The following STXBP6 variants were observed in gnomAD, a reference collection of about 807,000 sequenced individuals.
STXBP6 encodes the protein syntaxin-binding protein 6.
A neutral mutation model predicts 26.9 loss-of-function variants in STXBP6; 21 were observed. That is an observed-to-expected ratio of 0.78 (90% confidence interval 0.55 to 1.12). STXBP6 has a LOEUF of 1.12. Ranked by LOEUF, STXBP6 falls within the 50% of genes most tolerant of loss-of-function variation. STXBP6 has a pLI of 0.00. For missense variants in STXBP6, 232 were observed against 257.9 expected, an observed-to-expected ratio of 0.90 and a Z score of 0.69; for synonymous variants, 97 against 92.6, an observed-to-expected ratio of 1.05 and a Z score of -0.27.
rs943948961 is a variant in STXBP6, at chr14:24,937,532, A to G, written c.154+37133T>C. On this transcript the variant is annotated intron_variant, in intron 2 of 5. Transcript: ENST00000323944. ...TGCCCAATCTGCACAGGCAATCACA[A>G]TTATGTGATGACTGCCACCTGGCTA... 3.3e-5 allele frequency among the ~76,000 whole-genome samples: 5 copies of G among 152,228 alleles called. No individual in the cohort carries two copies. In the East Asian group the frequency reaches 9.6e-4, roughly 29 times the overall value.
chr14:24,948,748 G>A (rs1222220689), intron 2 of STXBP6, among the ~76,000 whole-genome samples: 3 of 152,238 alleles, frequency 2.0e-5, no homozygotes, highest in African/African-American at 7.2e-5. Flanking sequence ...TTAATAGCAG[G>A]TAATAGAGGA....
chr14:24,973,753 G>C (rs1275912660), intron 2 of STXBP6, among the ~76,000 whole-genome samples: 2 of 152,060 alleles, frequency 1.3e-5, no homozygotes, highest in Non-Finnish European at 2.9e-5. Context: ...CACAGTCTTA[G>C]AAATTTACAT....
chr14:24,834,781 G>A (rs2138952177), intron 4 of STXBP6, among the ~76,000 whole-genome samples: 1 of 152,272 alleles, frequency 6.6e-6, no homozygotes, highest in East Asian at 1.9e-4. Flanking sequence ...GAGACCTGTG[G>A]GGGAGAAGGG....
chr14:24,959,229 A>T (rs767535331), intron 2 of STXBP6, among the ~76,000 whole-genome samples: 3 of 152,236 alleles, frequency 2.0e-5, no homozygotes, highest in Non-Finnish European at 4.4e-5. Flanking sequence ...ATATCAGATC[A>T]GTCGCTCTGA....
intron 4 of STXBP6, among the ~76,000 whole-genome samples, chr14:24,833,123 G>A (rs1350578132): frequency 1.3e-5 from 2 of 152,174 alleles, no homozygotes; most frequent in African/African-American, 4.8e-5. Context: ...ACCCTGTGAG[G>A]TGAAATGTGA....
At chr14:24,878,791 C>T (rs757253052) in intron 2 of STXBP6, 1 of 453,018 alleles carries the variant, frequency 2.2e-6, no homozygotes, top group South Asian at 1.6e-5. Flanking sequence ...TAAATGTTTT[C>T]TCCTTTGAAG....
chr14:24,943,171 G>T (rs879266271), intron 2 of STXBP6, among the ~76,000 whole-genome samples: 1 of 152,144 alleles, frequency 6.6e-6, no homozygotes, highest in Non-Finnish European at 1.5e-5. Context: ...CAATCTCACC[G>T]TACTCACAAC....
intron 2 of STXBP6, among the ~76,000 whole-genome samples, chr14:24,872,237 A>T (rs918156265): frequency 1.3e-5 from 2 of 152,232 alleles, no homozygotes; most frequent in African/African-American, 2.4e-5. Flanking sequence ...AGCATTGAGG[A>T]GTAAAATGCA....
At chr14:25,013,388 T>G (rs924232019) in intron 1 of STXBP6, among the ~76,000 whole-genome samples, 2 of 151,736 alleles carry the variant, frequency 1.3e-5, no homozygotes, top group African/African-American at 2.4e-5. Context: ...ATGATTGACA[T>G]GAAATAACAT....
intron 2 of STXBP6, among the ~76,000 whole-genome samples, chr14:24,966,958 A>G (rs558516074): frequency 1.3e-5 from 2 of 152,358 alleles, no homozygotes; most frequent in South Asian, 4.1e-4. Context: ...AGACATGATT[A>G]TCACTAAAGC....
At chr14:24,845,736 A>T (rs987880444) in intron 4 of STXBP6, among the ~76,000 whole-genome samples, 9 of 152,184 alleles carry the variant, frequency 5.9e-5, no homozygotes, top group Non-Finnish European at 1.3e-4. Flanking sequence ...GCATGGTAAG[A>T]GGGACTTTGC....
intron 1 of STXBP6, among the ~76,000 whole-genome samples, chr14:25,045,939 G>T (rs2075720976): frequency 6.6e-6 from 1 of 152,038 alleles, no homozygotes; most frequent in East Asian, 1.9e-4. Context: ...AGATCCATCT[G>T]GGCTTCTGAA....
chr14:25,047,942 T>C (rs1020344654), intron 1 of STXBP6, among the ~76,000 whole-genome samples: 18 of 152,198 alleles, frequency 1.2e-4, no homozygotes, highest in African/African-American at 4.3e-4. Context: ...TTCTGGGGCC[T>C]AGGACTCTGA....
intron 2 of STXBP6, among the ~76,000 whole-genome samples, chr14:24,915,473 A>G (rs2071733230): frequency 6.6e-6 from 1 of 152,180 alleles, no homozygotes; most frequent in Non-Finnish European, 1.5e-5. Flanking sequence ...ACCAACCACC[A>G]TAAGATACTG....
At chr14:24,823,533 A>T (rs2068199804) in intron 4 of STXBP6, among the ~76,000 whole-genome samples, 1 of 152,194 alleles carries the variant, frequency 6.6e-6, no homozygotes, top group Non-Finnish European at 1.5e-5. Flanking sequence ...TAAAATACAT[A>T]TAGAGATATT....
intron 2 of STXBP6, among the ~76,000 whole-genome samples, chr14:24,958,192 A>G (rs1431619028): frequency 2.0e-5 from 3 of 152,206 alleles, no homozygotes; most frequent in African/African-American, 7.2e-5. Context: ...AAATATTTCA[A>G]TACAAATCTC....
At chr14:25,025,685 A>C (rs774424751) in intron 1 of STXBP6, among the ~76,000 whole-genome samples, 2 of 152,202 alleles carry the variant, frequency 1.3e-5, no homozygotes, top group Non-Finnish European at 2.9e-5. Flanking sequence ...AGGCAAAAGA[A>C]AATCTTTTGC....
At chr14:25,001,443 G>C (rs1039244023) in intron 1 of STXBP6, among the ~76,000 whole-genome samples, 4 of 152,104 alleles carry the variant, frequency 2.6e-5, no homozygotes, top group African/African-American at 9.7e-5. Context: ...TGACTCTTTT[G>C]GGTCCCTAGA....
chr14:25,027,139 G>A (rs562358455), intron 1 of STXBP6, among the ~76,000 whole-genome samples: 3 of 152,198 alleles, frequency 2.0e-5, no homozygotes, highest in East Asian at 1.9e-4. Flanking sequence ...AATAGAACCC[G>A]TAATGCATAG....
Sources: gnomAD v4.1 joint callset for allele counts (sites outside exome capture counted in the v4.1 genomes callset) on GRCh38, gnomAD v4.1.1 for gene constraint, MANE v1.5 for transcripts, NCBI Gene and HGNC (gene_info 2026-07-23, HGNC 2026-07-21) for gene names.